Variants in DLG2 observed in about 807,000 individuals in gnomAD.
DLG2 encodes disks large homolog 2.
DLG2 carries 45 observed loss-of-function variants against 132.5 expected under a neutral mutation model. The ratio of observed to expected loss-of-function variants is 0.34; its 90% CI spans 0.27 to 0.44. DLG2 has a LOEUF of 0.44. Ranked by LOEUF, DLG2 falls within the 20% of genes least tolerant of loss-of-function variation. The pLI is 1.00. For missense variants in DLG2, 1,045 were observed against 1,196.9 expected, an observed-to-expected ratio of 0.87 and a Z score of 1.87; for synonymous variants, 424 against 419.6, an observed-to-expected ratio of 1.01 and a Z score of -0.13.
At chr11:83,993,165 T>C (rs906218741) in intron 11 of DLG2, among the ~76,000 whole-genome samples, 3 of 152,166 alleles carry the variant, frequency 2.0e-5, no homozygotes, top group Non-Finnish European at 4.4e-5. Context: ...AACAAAATTA[T>C]ATGATCCTAG....
intron 17 of DLG2, among the ~76,000 whole-genome samples, chr11:83,821,027 T>C (rs989122430): frequency 9.2e-5 from 14 of 152,236 alleles, no homozygotes; most frequent in Non-Finnish European, 1.6e-4. Flanking sequence ...AGTTCTTTCA[T>C]CTAATTTATT....
intron 6 of DLG2, among the ~76,000 whole-genome samples, chr11:84,914,376 T>C (rs2092322289): frequency 6.6e-6 from 1 of 152,254 alleles, no homozygotes; most frequent in Non-Finnish European, 1.5e-5. Flanking sequence ...CAAGACACAG[T>C]ACAATATCAC....
chr11:85,050,850 T>C (rs908249090), intron 6 of DLG2, among the ~76,000 whole-genome samples: 1 of 152,108 alleles, frequency 6.6e-6, no homozygotes, highest in East Asian at 1.9e-4. Context: ...CTCAACAAAT[T>C]TGTGATTTGC....
intron 4 of DLG2, among the ~76,000 whole-genome samples, chr11:85,216,281 T>A (rs1047463646): frequency 6.6e-6 from 1 of 152,212 alleles, no homozygotes; most frequent in African/African-American, 2.4e-5. Context: ...CCCTCCAGAC[T>A]TTACGTTCCT....
intron 6 of DLG2, among the ~76,000 whole-genome samples, chr11:84,737,328 G>A (rs2063968932): frequency 6.6e-6 from 1 of 151,882 alleles, no homozygotes; most frequent in Admixed American, 6.6e-5. Flanking sequence ...AAATATATTT[G>A]CCTGTTTTTA....
intron 6 of DLG2, among the ~76,000 whole-genome samples, chr11:84,941,185 C>G (rs1591598098): frequency 6.6e-6 from 1 of 152,106 alleles, no homozygotes; most frequent in South Asian, 2.1e-4. Flanking sequence ...TGTTCTTTTT[C>G]TCAGAATTGC....
At chr11:83,467,520 G>A (rs1249930340) in intron 25 of DLG2, among the ~76,000 whole-genome samples, 15 of 151,802 alleles carry the variant, frequency 9.9e-5, no homozygotes, top group African/African-American at 3.4e-4. Context: ...AGGCCGAGGC[G>A]GGTGGATCAC....
intron 6 of DLG2, among the ~76,000 whole-genome samples, chr11:84,585,588 A>G (rs77823778): frequency 2.1e-3 from 323 of 152,338 alleles, no homozygotes; most frequent in African/African-American, 7.4e-3. Flanking sequence ...TCTACAGATC[A>G]ATTTGGAAGG....
In DLG2 at chr11:83,507,457, C is replaced by CAT. The variant is rs1199066205; in HGVS notation, c.2194-23231_2194-23230dup. Among the ~76,000 whole-genome samples, 26 of 131,312 alleles carry CAT rather than the reference C, an allele frequency of 2.0e-4. No homozygotes were observed. In the East Asian group the frequency reaches 3.5e-3, roughly 17 times the overall value. The allele number at this position is 131,312 out of a possible 152,430, so 86.1% of individuals were successfully genotyped here. ...ATATATATATCTGTATATATATACA[C>CAT]ATATATATACCCTATATATATATAT... On this transcript the variant is annotated intron_variant, in intron 21 of 27. Transcript: ENST00000376104.
intron 6 of DLG2, among the ~76,000 whole-genome samples, chr11:85,019,735 T>A (rs1173172588): frequency 6.6e-6 from 1 of 152,176 alleles, no homozygotes; most frequent in Non-Finnish European, 1.5e-5. Flanking sequence ...TTTCTGTCTT[T>A]GTGACAGTTT....
intron 6 of DLG2, among the ~76,000 whole-genome samples, chr11:84,600,336 A>T (rs765397702): frequency 5.3e-5 from 8 of 152,184 alleles, no homozygotes; most frequent in Non-Finnish European, 1.2e-4. Context: ...GTCCCTAGCC[A>T]TCATACCATC....
Position 83,784,513 on chromosome 11 carries a change from G to T in DLG2, c.1825+2177C>A, listed in dbSNP as rs74664543. Among the ~76,000 whole-genome samples the T allele has an allele frequency of 5.3e-3, 802 of 152,178 alleles. 8 individuals carry two copies. Among genetic ancestry groups the T allele is most frequent in the African/African-American group, 0.018 (762 of 41,526 alleles). ...TTCTGTGAATCCAATCTGTACTTTG[G>T]CATTTTGTAAAAAGCTTGTTGTTAT... On this transcript the variant is annotated intron_variant, in intron 18 of 27. Transcript: ENST00000376104.
intron 6 of DLG2, among the ~76,000 whole-genome samples, chr11:85,058,703 G>C (rs2154157947): frequency 6.6e-6 from 1 of 151,360 alleles, no homozygotes; most frequent in South Asian, 2.1e-4. Flanking sequence ...ATTTGAATAG[G>C]GTTTAAAAAT....
intron 6 of DLG2, among the ~76,000 whole-genome samples, chr11:84,557,824 G>A (rs551572161): frequency 6.6e-6 from 1 of 152,162 alleles, no homozygotes; most frequent in East Asian, 1.9e-4. Flanking sequence ...GGAGTTCTGG[G>A]TCTTAGACTA....
At chr11:85,430,558 G>A (rs2091104643) in intron 3 of DLG2, among the ~76,000 whole-genome samples, 1 of 151,986 alleles carries the variant, frequency 6.6e-6, no homozygotes, top group Admixed American at 6.6e-5. Flanking sequence ...AGATATTAAT[G>A]ATATCTTATG....
intron 7 of DLG2, among the ~76,000 whole-genome samples, chr11:84,363,594 G>A (rs971695270): frequency 4.6e-5 from 7 of 151,730 alleles, no homozygotes; most frequent in African/African-American, 1.4e-4. Context: ...CCATGCCTAT[G>A]TCCTGAATGG....
chr11:84,579,781 C>T (rs2099512139), intron 6 of DLG2, among the ~76,000 whole-genome samples: 1 of 152,058 alleles, frequency 6.6e-6, no homozygotes, highest in African/African-American at 2.4e-5. Context: ...AAGTGGATTC[C>T]TATAAGAATA....
At chr11:83,641,963 G>A (rs889208630) in intron 18 of DLG2, among the ~76,000 whole-genome samples, 2 of 151,942 alleles carry the variant, frequency 1.3e-5, no homozygotes, top group African/African-American at 4.8e-5. Flanking sequence ...GAGATGGAGA[G>A]AGACAAATAG....
At chr11:83,839,488 T>C (rs2057060664) in intron 16 of DLG2, among the ~76,000 whole-genome samples, 1 of 152,194 alleles carries the variant, frequency 6.6e-6, no homozygotes, top group Non-Finnish European at 1.5e-5. Context: ...TTTAAAGTAT[T>C]ACAAGTCCTA....
Sources: allele counts gnomAD v4.1 joint callset (sites outside exome capture counted in the v4.1 genomes callset), GRCh38; gene constraint gnomAD v4.1.1; transcripts MANE v1.5; gene names NCBI Gene and HGNC (gene_info 2026-07-23, HGNC 2026-07-21).